PSPC1: variants seen among roughly 807,000 people sequenced by gnomAD.
PSPC1 encodes the protein paraspeckle component 1.
Under a neutral mutation model 51.6 loss-of-function variants are expected in PSPC1, and 14 were observed. The ratio of observed to expected loss-of-function variants is 0.27; its 90% CI spans 0.18 to 0.42. The LOEUF (loss-of-function observed/expected upper bound fraction) is 0.42, where lower values mean the gene tolerates loss of function less well. Ranked by LOEUF, PSPC1 falls within the 10% of genes least tolerant of loss-of-function variation. PSPC1 has a pLI of 1.00. For synonymous variants in PSPC1, 193 were observed against 231.9 expected (o/e 0.83, Z 1.53); for missense variants, 406 against 701.1 (o/e 0.58, Z 4.75).
At chr13:19,711,239 G>A (rs1268241395) in intron 6 of PSPC1, among the ~76,000 whole-genome samples, 2 of 152,176 alleles carry the variant, frequency 1.3e-5, no homozygotes, top group African/African-American at 2.4e-5. Context: ...CTAGACTGAG[G>A]CGGGGTGCAG....
intron 6 of PSPC1, among the ~76,000 whole-genome samples, chr13:19,691,384 T>C (rs955646896): frequency 6.6e-6 from 1 of 151,674 alleles, no homozygotes; most frequent in Non-Finnish European, 1.5e-5. Flanking sequence ...TTTTAAAAAG[T>C]AGCTAGGCAT....
At chr13:19,680,136 G>A (rs1046289372) in intron 6 of PSPC1, among the ~76,000 whole-genome samples, 1 of 151,902 alleles carries the variant, frequency 6.6e-6, no homozygotes. Context: ...TGCCTCAGCT[G>A]CCCAAGTAGC....
At chr13:19,720,894 C>T in intron 6 of PSPC1, among the ~76,000 whole-genome samples, 1 of 152,208 alleles carries the variant, frequency 6.6e-6, no homozygotes, top group South Asian at 2.1e-4. Context: ...AATTATCAAT[C>T]TAACTCAAAT....
At chr13:19,725,142 A>C (rs1411227422) in intron 6 of PSPC1, among the ~76,000 whole-genome samples, 1 of 152,156 alleles carries the variant, frequency 6.6e-6, no homozygotes, top group Non-Finnish European at 1.5e-5. Context: ...ACGCCACTGA[A>C]CTCCAGCCTA....
At position 19,694,122 on chromosome 13, in the gene PSPC1, C is replaced by CTCAA. The variant is rs1878910423; in HGVS notation, c.1159-16300_1159-16299insTTGA. Among the ~76,000 whole-genome samples, 4 of 47,466 alleles carry CTCAA rather than the reference C, an allele frequency of 8.4e-5. 2 individuals are homozygous for CTCAA. Among genetic ancestry groups the CTCAA allele is most frequent in the Non-Finnish European group, 1.5e-4 (4 of 27,486 alleles). 31.1% of individuals were successfully genotyped at this position (47,466 alleles called of 152,430 possible). A position where few individuals can be genotyped will look rare whatever the true frequency, so the allele number is the denominator to read the frequency against. On this transcript the variant is annotated intron_variant and NMD_transcript_variant, in intron 6 of 7. Transcript: ENST00000471658. ...TGGGTGACAGAGCGAGACTCCATCT[C>CTCAA]AAAAAAAAAAAAAAAAAAAAAAAAA...
chr13:19,681,459 T>C lies in PSPC1; in HGVS notation c.1159-3636A>G, dbSNP rs139219290. On this transcript the variant is annotated intron_variant and NMD_transcript_variant, in intron 6 of 7. Coordinates refer to the PSPC1 transcript ENST00000471658. ...GAATGAATGTATAAAATACACATAA[T>C]ATATGATCTAATGAGCATGGAAGCT... is the stretch of plus-strand genomic sequence containing the variant. Among the ~76,000 whole-genome samples, 763 of 152,262 alleles carry C rather than the reference T, an allele frequency of 5.0e-3. 8 individuals are homozygous for C. Among genetic ancestry groups the C allele is most frequent in the African/African-American group, 0.018 (740 of 41,552 alleles).
intron 4 of PSPC1, among the ~76,000 whole-genome samples, chr13:19,746,131 G>A (rs1464656105): frequency 1.3e-5 from 2 of 150,426 alleles, no homozygotes; most frequent in South Asian, 2.1e-4. Flanking sequence ...TCAGCTACCC[G>A]AGCAGCTCAC....
intron 2 of PSPC1, among the ~76,000 whole-genome samples, chr13:19,760,980 TC>T: frequency 6.6e-6 from 1 of 150,642 alleles, no homozygotes; most frequent in East Asian, 2.0e-4. Flanking sequence ...AGAGTGAAAC[TC>T]CGTCTCAAAT....
chr13:19,768,745 A>G (rs1888321452), intron 2 of PSPC1, among the ~76,000 whole-genome samples: 1 of 151,224 alleles, frequency 6.6e-6, no homozygotes, highest in Non-Finnish European at 1.5e-5. Context: ...TTGGCCAAAA[A>G]GCACATGAAA....
At chr13:19,718,356 A>T (rs1412201951) in intron 6 of PSPC1, among the ~76,000 whole-genome samples, 1 of 152,226 alleles carries the variant, frequency 6.6e-6, no homozygotes, top group African/African-American at 2.4e-5. Context: ...TATGATTGTT[A>T]AAATGAAACT....
intron 5 of PSPC1, 68 bp from the exon 6 acceptor site, chr13:19,730,412 T>A: frequency 2.9e-6 from 4 of 1,364,588 alleles, no homozygotes; most frequent in Non-Finnish European, 4.2e-6. Flanking sequence ...TTTTACTTCA[T>A]GTAAAATGAA....
chr13:19,708,495 G>T (rs187485772), intron 7 of PSPC1, among the ~76,000 whole-genome samples: 13 of 152,148 alleles, frequency 8.5e-5, no homozygotes, highest in African/African-American at 3.1e-4. Flanking sequence ...TTCAAATTTA[G>T]TAAGGCCTAC....
At chr13:19,726,796 T>G (rs1174758332) in intron 6 of PSPC1, among the ~76,000 whole-genome samples, 1 of 152,224 alleles carries the variant, frequency 6.6e-6, no homozygotes, top group Non-Finnish European at 1.5e-5. Context: ...AACATTCCCT[T>G]AATCATTCTG....
At chr13:19,709,397 C>A in intron 7 of PSPC1, 145 bp downstream of exon 7, 1 of 543,136 alleles carries the variant, frequency 1.8e-6, no homozygotes, top group South Asian at 3.4e-5. Context: ...GTATTGTATT[C>A]CAGTTTAATG....
chr13:19,779,302 G>A (rs1210737071), intron 1 of PSPC1, among the ~76,000 whole-genome samples: 16 of 96,846 alleles, frequency 1.7e-4, no homozygotes, highest in Non-Finnish European at 3.0e-4. Context: ...CCCCCCGCCC[G>A]GCCAGCCGCC....
intron 2 of PSPC1, among the ~76,000 whole-genome samples, chr13:19,769,065 G>A (rs1027565873): frequency 4.0e-5 from 6 of 150,926 alleles, no homozygotes; most frequent in East Asian, 3.9e-4. Context: ...ACTTGAACTC[G>A]GGAGGCAGAG....
intron 6 of PSPC1, among the ~76,000 whole-genome samples, chr13:19,711,439 A>T (rs1201635314): frequency 6.6e-6 from 1 of 152,074 alleles, no homozygotes; most frequent in Non-Finnish European, 1.5e-5. Context: ...GATTGAGACC[A>T]TCCTGGCTAA....
intron 6 of PSPC1, among the ~76,000 whole-genome samples, chr13:19,718,203 G>A (rs1191006339): frequency 6.6e-6 from 1 of 152,024 alleles, no homozygotes; most frequent in Admixed American, 6.6e-5. Context: ...TCCAATATAT[G>A]TTATTCGCTG....
At chr13:19,702,389 G>A (rs1841523771), downstream of PSPC1, 1 of 152,066 alleles carries the variant, frequency 6.6e-6, no homozygotes. Context: ...AACACTAACT[G>A]TACGATAATA....
Sources: gnomAD v4.1 joint callset for allele counts (sites outside exome capture counted in the v4.1 genomes callset) on GRCh38, gnomAD v4.1.1 for gene constraint, MANE v1.5 for transcripts, NCBI Gene and HGNC (gene_info 2026-07-23, HGNC 2026-07-21) for gene names.